Variants in TENM2 observed in about 807,000 individuals in gnomAD.
TENM2 encodes the protein teneurin-2.
TENM2 carries 52 observed loss-of-function variants against 245.2 expected under a neutral mutation model. That is an observed-to-expected ratio of 0.21 (90% CI 0.17 to 0.27). The LOEUF (loss-of-function observed/expected upper bound fraction) is 0.27, where lower values mean the gene tolerates loss of function less well. Among genes scored for constraint, TENM2 ranks in the 10% least tolerant of loss-of-function variants. TENM2 has a pLI of 1.00. For missense variants in TENM2, 3,046 were observed against 3,666.8 expected (o/e 0.83, Z 4.37); for synonymous variants, 1,363 against 1,438.9 (o/e 0.95, Z 1.19).
chr5:168,158,485 T>C (rs570117339), intron 12 of TENM2, among the ~76,000 whole-genome samples: 1 of 152,024 alleles, frequency 6.6e-6, no homozygotes, highest in South Asian at 2.1e-4. Context: ...AAATCTTGGA[T>C]CTCATGGGGG....
intron 2 of TENM2, among the ~76,000 whole-genome samples, chr5:167,454,261 C>T (rs866775638): frequency 2.6e-5 from 4 of 152,138 alleles, no homozygotes; most frequent in Admixed American, 1.3e-4. Context: ...ATATACTGCT[C>T]ATTCTCAAAT....
In TENM2 at chr5:168,244,870, A is replaced by G; in HGVS notation, c.5817+154A>G. 6.6e-6 allele frequency among the ~76,000 whole-genome samples: 1 copy of G among 151,940 alleles called. No homozygotes were observed. The highest frequency in any genetic ancestry group is 1.5e-5 in the Non-Finnish European group (1 of 67,986). ...CTGCAACCTCTGCCTCCCAGGTTCA[A>G]GTAATTCTCCTGCCTGTGCCTCCTG... On this transcript the variant is annotated intron_variant, in intron 26 of 28. Transcript: ENST00000518659. This position sits in a 1 kb window ranked among gnomAD's most constrained non-coding sequence, Gnocchi z 4.9.
the TENM2 span, among the ~76,000 whole-genome samples, chr5:167,026,710 G>A: frequency 6.6e-6 from 1 of 152,140 alleles, no homozygotes; most frequent in Admixed American, 6.5e-5. Context: ...TGGGGCTTGA[G>A]TGCTTTATTT....
intron 5 of TENM2, among the ~76,000 whole-genome samples, chr5:168,010,690 C>A (rs559644446): frequency 6.6e-6 from 1 of 152,270 alleles, no homozygotes; most frequent in South Asian, 2.1e-4. Context: ...GGGGAAAAGC[C>A]CTGAAAATTA....
At chr5:167,435,612 G>A (rs1764505376) in intron 2 of TENM2, among the ~76,000 whole-genome samples, 1 of 152,180 alleles carries the variant, frequency 6.6e-6, no homozygotes, top group Non-Finnish European at 1.5e-5. Flanking sequence ...AGAGTGGGGA[G>A]CTGCTGAAAA....
chr5:167,387,443 A>G (rs1487220895), intron 2 of TENM2, among the ~76,000 whole-genome samples: 6 of 152,116 alleles, frequency 3.9e-5, no homozygotes, highest in African/African-American at 1.4e-4. Flanking sequence ...TTTTCTAGGT[A>G]AACAATCATA....
At chr5:167,139,062 ATTGT>A in the TENM2 span, among the ~76,000 whole-genome samples, 1 of 152,314 alleles carries the variant, frequency 6.6e-6, no homozygotes, top group East Asian at 1.9e-4. Context: ...TGTTACAATG[ATTGT>A]TTGGCAAGAC....
chr5:168,170,010 C>G (rs992844213), intron 13 of TENM2, among the ~76,000 whole-genome samples: 1 of 152,154 alleles, frequency 6.6e-6, no homozygotes, highest in African/African-American at 2.4e-5. Flanking sequence ...TGCTGGGTCT[C>G]TCTTCTTTAG....
intron 2 of TENM2, among the ~76,000 whole-genome samples, chr5:167,531,395 A>G (rs1229878609): frequency 1.1e-4 from 16 of 151,914 alleles, no homozygotes; most frequent in Admixed American, 1.0e-3. Context: ...AATTGTATCT[A>G]TTTGCAATGT....
At position 167,375,421 on chromosome 5, in the gene TENM2, G is replaced by A. The variant is rs540230946; in HGVS notation, c.450G>A (p.Ser150=). Reference sequence around the variant, plus strand: ...CCGGCCTGTCCAGTCGTGAAAACTCGGCCCTTACCCTGACTGACTCTGACA... The same window carrying A: ...CCGGCCTGTCCAGTCGTGAAAACTCAGCCCTTACCCTGACTGACTCTGACA... Residue 150 remains serine, a synonymous_variant, in exon 2 of 29, where the codon TCG becomes TCA. Transcript: ENST00000518659. 1.6e-5 allele frequency: 25 copies of A among 1,551,646 alleles called. No individual in the cohort carries two copies. The East Asian group carries it at 2.4e-4, about 15-fold the overall frequency.
chr5:167,880,088 A>T (rs1372971160), intron 3 of TENM2, among the ~76,000 whole-genome samples: 1 of 152,098 alleles, frequency 6.6e-6, no homozygotes, highest in African/African-American at 2.4e-5. Context: ...TCCAGGCTGG[A>T]GTGGCGTGAT....
chr5:167,159,325 T>C, the TENM2 span, among the ~76,000 whole-genome samples: 2 of 152,128 alleles, frequency 1.3e-5, no homozygotes, highest in Non-Finnish European at 2.9e-5. Context: ...GTTAAATAAA[T>C]TGGGTAATTT....
At chr5:167,831,884 T>A (rs1032456182) in intron 2 of TENM2, among the ~76,000 whole-genome samples, 3 of 152,140 alleles carry the variant, frequency 2.0e-5, no homozygotes, top group African/African-American at 7.2e-5. Context: ...CATATGTAGA[T>A]TTCCACATGC....
intron 3 of TENM2, among the ~76,000 whole-genome samples, chr5:167,900,955 T>G (rs373232079): frequency 2.0e-5 from 3 of 152,116 alleles, no homozygotes; most frequent in African/African-American, 4.8e-5. Flanking sequence ...GGGACAGGAA[T>G]GTAAAAAAGG....
intron 2 of TENM2, among the ~76,000 whole-genome samples, chr5:167,379,629 A>C (rs1308861746): frequency 2.0e-5 from 3 of 151,774 alleles, no homozygotes; most frequent in African/African-American, 7.3e-5. Context: ...AACCCACTCT[A>C]CTCCTTTCTT....
the TENM2 span, among the ~76,000 whole-genome samples, chr5:167,155,968 T>C: frequency 6.6e-6 from 1 of 152,224 alleles, no homozygotes; most frequent in Non-Finnish European, 1.5e-5. Context: ...CTTGAGCGTG[T>C]CTGGGTACAG....
At chr5:167,006,127 A>G in the TENM2 span, among the ~76,000 whole-genome samples, 1 of 152,092 alleles carries the variant, frequency 6.6e-6, no homozygotes, top group Non-Finnish European at 1.5e-5. Context: ...TTTTCTTGGA[A>G]TCAACTTGGA....
At chr5:167,141,003 A>G in the TENM2 span, among the ~76,000 whole-genome samples, 1 of 152,248 alleles carries the variant, frequency 6.6e-6, no homozygotes, top group Non-Finnish European at 1.5e-5. Flanking sequence ...AACCTTGCGT[A>G]TTTACGTGGG....
At chr5:167,284,026 A>G (rs1581661057), upstream of TENM2, among the ~76,000 whole-genome samples, 1 of 151,826 alleles carries the variant, frequency 6.6e-6, no homozygotes, top group East Asian at 1.9e-4. Flanking sequence ...GCTTGGGGTG[A>G]TTATCAGGTG....
Sources: gnomAD v4.1 joint callset for allele counts (sites outside exome capture counted in the v4.1 genomes callset) on GRCh38, gnomAD v4.1.1 for gene constraint, Gnocchi (gnomAD v3.1) non-coding constraint, MANE v1.5 for transcripts, NCBI Gene and HGNC (gene_info 2026-07-23, HGNC 2026-07-21) for gene names.